NBEA: variants seen among roughly 807,000 people sequenced by gnomAD.
NBEA encodes the protein lysosomal-trafficking regulator 2.
Under a neutral mutation model 343.4 loss-of-function variants are expected in NBEA, and 44 were observed. The ratio of observed to expected loss-of-function variants is 0.13; its 90% CI spans 0.10 to 0.16. The LOEUF is 0.16. Among genes scored for constraint, NBEA ranks in the 10% least tolerant of loss-of-function variants. The pLI, the probability that NBEA is intolerant of heterozygous loss-of-function variation, is 1.00. For missense variants in NBEA, 2,555 were observed against 3,631.3 expected, an observed-to-expected ratio of 0.70 and a Z score of 7.62; for synonymous variants, 1,175 against 1,238.7, an observed-to-expected ratio of 0.95 and a Z score of 1.08.
intron 1 of NBEA, among the ~76,000 whole-genome samples, chr13:34,970,702 A>G (rs953730913): frequency 3.3e-5 from 5 of 151,678 alleles, no homozygotes; most frequent in South Asian, 2.1e-4. Context: ...GGTGTGCATC[A>G]TATTTCTGGG....
Position 35,472,136 on chromosome 13 carries a change from G to A in NBEA, c.6449-264G>A, listed in dbSNP as rs2075678951. 2.6e-5 allele frequency among the ~76,000 whole-genome samples: 4 copies of A among 152,284 alleles called. No homozygotes were observed. In the South Asian group the frequency reaches 8.3e-4, roughly 32 times the overall value. ...TTAATGGCAGCCCCTTACCAACCATGTAGGATTTCTAGGTGGAAATTGAGC... is the reference window on the plus strand; with the variant it reads ...TTAATGGCAGCCCCTTACCAACCATATAGGATTTCTAGGTGGAAATTGAGC... On this transcript the variant is annotated intron_variant, in intron 40 of 58. Coordinates refer to ENST00000379939, the MANE Select transcript of NBEA (RefSeq NM_001385012.1).
At chr13:35,537,801 C>T (rs2078630606) in intron 41 of NBEA, among the ~76,000 whole-genome samples, 1 of 152,158 alleles carries the variant, frequency 6.6e-6, no homozygotes, top group Admixed American at 6.5e-5. Flanking sequence ...TGTGGCTTGA[C>T]CTCAAGGGCA....
At chr13:35,477,244 T>C in intron 41 of NBEA, 1 of 166,528 alleles carries the variant, frequency 6.0e-6, no homozygotes, top group East Asian at 1.9e-4. Context: ...TATGTTAAAA[T>C]GATTTTTTGA....
In NBEA at chr13:35,332,163, C is replaced by T. The variant is rs560790379; in HGVS notation, c.5904-16945C>T. Among the ~76,000 whole-genome samples, 4 of 151,978 alleles carry T rather than the reference C, an allele frequency of 2.6e-5. No individual in the cohort carries two copies. The South Asian group carries it at 6.2e-4, about 24-fold the overall frequency. On this transcript the variant is annotated intron_variant, in intron 36 of 58. Coordinates refer to ENST00000379939, the MANE Select transcript of NBEA (RefSeq NM_001385012.1). ...GATACTGAGATAAATAGATTTTGTA[C>T]GTCATTTACTGAATTTTACAGTTTT...
Position 35,126,535 on chromosome 13 carries a change from G to GA in NBEA, c.2336+2969dup, listed in dbSNP as rs886367417. 5.9e-5 allele frequency among the ~76,000 whole-genome samples: 9 copies of GA among 151,322 alleles called. 1 individual carries two copies. The South Asian group carries it at 8.4e-4, about 14-fold the overall frequency. Reference sequence around the variant, plus strand: ...AGTGAAATACACAGAAGATAAAACTGAAAAAAAAGCAAATATTATGAATAG... The same window carrying GA: ...AGTGAAATACACAGAAGATAAAACTGAAAAAAAAAGCAAATATTATGAATAG... On this transcript the variant is annotated intron_variant, in intron 17 of 58. Coordinates refer to ENST00000379939, the MANE Select transcript of NBEA (RefSeq NM_001385012.1).
intron 34 of NBEA, among the ~76,000 whole-genome samples, chr13:35,234,649 G>A (rs1418741116): frequency 6.6e-6 from 1 of 152,066 alleles, no homozygotes; most frequent in Non-Finnish European, 1.5e-5. Flanking sequence ...TGTATACCTG[G>A]TCTTACTCCT....
At chr13:35,553,994 A>G (rs1157712212) in intron 43 of NBEA, among the ~76,000 whole-genome samples, 1 of 152,182 alleles carries the variant, frequency 6.6e-6, no homozygotes, top group African/African-American at 2.4e-5. Context: ...GGAACAGGAA[A>G]TGAGTGTGGT....
At chr13:35,122,158 C>G (rs2066837052) in intron 16 of NBEA, among the ~76,000 whole-genome samples, 1 of 151,936 alleles carries the variant, frequency 6.6e-6, no homozygotes, top group Admixed American at 6.6e-5. Flanking sequence ...CTATTTTGCT[C>G]CAAGTAACAG....
At chr13:35,423,541 T>C (rs1388723592) in intron 38 of NBEA, among the ~76,000 whole-genome samples, 1 of 152,226 alleles carries the variant, frequency 6.6e-6, no homozygotes, top group Non-Finnish European at 1.5e-5. Flanking sequence ...CATGCTGTTT[T>C]GTTTACTGTA....
intron 30 of NBEA, among the ~76,000 whole-genome samples, chr13:35,189,466 G>A (rs2152736719): frequency 6.6e-6 from 1 of 151,798 alleles, no homozygotes; most frequent in South Asian, 2.1e-4. Context: ...ATATATGTTG[G>A]CATTTTATTA....
intron 48 of NBEA, among the ~76,000 whole-genome samples, chr13:35,608,811 A>G (rs892350211): frequency 7.2e-6 from 1 of 137,970 alleles, no homozygotes; most frequent in Admixed American, 7.1e-5. Flanking sequence ...TCAGGCATTA[A>G]GCAAGGCACT....
At chr13:35,292,155 G>C (rs542062724) in intron 35 of NBEA, among the ~76,000 whole-genome samples, 1 of 151,976 alleles carries the variant, frequency 6.6e-6, no homozygotes, top group African/African-American at 2.4e-5. Flanking sequence ...GGGGGGATAA[G>C]TTTACCATTT....
intron 41 of NBEA, among the ~76,000 whole-genome samples, chr13:35,523,720 G>A (rs2077831924): frequency 6.6e-6 from 1 of 152,118 alleles, no homozygotes; most frequent in Non-Finnish European, 1.5e-5. Context: ...AGTTATTATA[G>A]CCCTGCTTTT....
intron 10 of NBEA, among the ~76,000 whole-genome samples, chr13:35,091,592 C>T (rs2065084089): frequency 6.6e-6 from 1 of 151,902 alleles, no homozygotes; most frequent in South Asian, 2.1e-4. Flanking sequence ...CCATGTTTAG[C>T]ATACTAGTGT....
chr13:34,943,431 G>A (rs2059094188), intron 1 of NBEA, among the ~76,000 whole-genome samples: 1 of 151,886 alleles, frequency 6.6e-6, no homozygotes, highest in Admixed American at 6.6e-5. Context: ...TTAGAGTTTA[G>A]TTAGGAGGTG....
intron 41 of NBEA, among the ~76,000 whole-genome samples, chr13:35,502,592 GAACA>G (rs1383758288): frequency 6.6e-6 from 1 of 151,588 alleles, no homozygotes; most frequent in Non-Finnish European, 1.5e-5. Flanking sequence ...ACTAGTGAAT[GAACA>G]GTGTGCTGGG....
chr13:35,463,212 G>T (rs193169378), intron 40 of NBEA, among the ~76,000 whole-genome samples: 3 of 152,294 alleles, frequency 2.0e-5, no homozygotes, highest in African/African-American at 7.2e-5. Context: ...TACGAGTCAG[G>T]AACTCTGGCT....
chr13:35,563,579 G>A (rs2079985640), intron 44 of NBEA, among the ~76,000 whole-genome samples: 1 of 151,580 alleles, frequency 6.6e-6, no homozygotes. Context: ...CTCTTATGCA[G>A]AAATTTTTAT....
At chr13:35,326,582 G>A (rs1245832144) in intron 36 of NBEA, among the ~76,000 whole-genome samples, 1 of 151,864 alleles carries the variant, frequency 6.6e-6, no homozygotes. Context: ...TGTCAGTAAT[G>A]GTATGATAGT....
Sources: allele counts gnomAD v4.1 joint callset (sites outside exome capture counted in the v4.1 genomes callset), GRCh38; gene constraint gnomAD v4.1.1; transcripts MANE v1.5; gene names NCBI Gene and HGNC (gene_info 2026-07-23, HGNC 2026-07-21).